RAP1GDS1: variants seen among roughly 807,000 people sequenced by gnomAD.
RAP1GDS1 encodes the protein Rap1 GTPase-GDP dissociation stimulator 1, also known as RAP1, GTP-GDP dissociation stimulator 1.
Under a neutral mutation model 71.1 loss-of-function variants are expected in RAP1GDS1, and 35 were observed. The ratio of observed to expected loss-of-function variants is 0.49; its 90% confidence interval spans 0.38 to 0.65. RAP1GDS1 has a LOEUF of 0.65. RAP1GDS1 is among the 30% of genes least tolerant of loss of function. The pLI, the probability that RAP1GDS1 is intolerant of heterozygous loss-of-function variation, is 0.00. For missense variants in RAP1GDS1, 663 were observed against 706.1 expected, an observed-to-expected ratio of 0.94 and a Z score of 0.69; for synonymous variants, 229 against 243.1, an observed-to-expected ratio of 0.94 and a Z score of 0.54.
intron 2 of RAP1GDS1, among the ~76,000 whole-genome samples, chr4:98,309,707 TAC>T: frequency 6.6e-6 from 1 of 151,942 alleles, no homozygotes; most frequent in Non-Finnish European, 1.5e-5. Flanking sequence ...GAATATAAAA[TAC>T]TACGTTGTTT....
intron 4 of RAP1GDS1, among the ~76,000 whole-genome samples, chr4:98,365,334 G>A (rs1739319017): frequency 6.6e-6 from 1 of 152,088 alleles, no homozygotes; most frequent in Admixed American, 6.5e-5. Context: ...TTAAAATTGA[G>A]CCAGGCATCA....
chr4:98,437,590 C>T (rs970566019), intron 14 of RAP1GDS1, among the ~76,000 whole-genome samples: 1 of 151,860 alleles, frequency 6.6e-6, no homozygotes, highest in African/African-American at 2.4e-5. Context: ...GCCAGGAGTT[C>T]GAGACCAGCC....
intron 5 of RAP1GDS1, among the ~76,000 whole-genome samples, chr4:98,390,826 T>C (rs1743509671): frequency 6.6e-6 from 1 of 152,184 alleles, no homozygotes; most frequent in African/African-American, 2.4e-5. Context: ...GTTTTGTCTT[T>C]AGATTGCAAA....
chr4:98,336,380 A>G (rs961502317), intron 2 of RAP1GDS1, among the ~76,000 whole-genome samples: 2 of 152,262 alleles, frequency 1.3e-5, no homozygotes, highest in Non-Finnish European at 2.9e-5. Context: ...TAGTCAAACT[A>G]GCAGATCTCC....
intron 1 of RAP1GDS1, among the ~76,000 whole-genome samples, chr4:98,269,436 C>T (rs1375767021): frequency 6.6e-6 from 1 of 151,934 alleles, no homozygotes; most frequent in Non-Finnish European, 1.5e-5. Flanking sequence ...GTTTATGGCA[C>T]CAAAAGCACA....
chr4:98,331,671 T>A (rs905024415), intron 2 of RAP1GDS1, among the ~76,000 whole-genome samples: 5 of 152,172 alleles, frequency 3.3e-5, no homozygotes, highest in Non-Finnish European at 7.4e-5. Flanking sequence ...TCTTATTCAA[T>A]TTATCCAATA....
At chr4:98,327,873 G>A (rs998391697) in intron 2 of RAP1GDS1, among the ~76,000 whole-genome samples, 13 of 152,164 alleles carry the variant, frequency 8.5e-5, no homozygotes, top group African/African-American at 3.1e-4. Flanking sequence ...TTTTGTAGGT[G>A]CTTGCTGTCA....
intron 7 of RAP1GDS1, among the ~76,000 whole-genome samples, chr4:98,412,145 A>G (rs553654874): frequency 3.9e-5 from 6 of 152,324 alleles, no homozygotes; most frequent in Non-Finnish European, 8.8e-5. Context: ...TGCCATTGCC[A>G]TATATGGATG....
chr4:98,438,653 C>T (rs1414172003), intron 14 of RAP1GDS1, among the ~76,000 whole-genome samples: 3 of 130,976 alleles, frequency 2.3e-5, no homozygotes, highest in Non-Finnish European at 3.1e-5. Flanking sequence ...AGTGCAGTGG[C>T]GTGATTTTGG....
At chr4:98,280,347 C>T (rs797003308) in intron 1 of RAP1GDS1, among the ~76,000 whole-genome samples, 2 of 152,204 alleles carry the variant, frequency 1.3e-5, no homozygotes, top group Non-Finnish European at 2.9e-5. Flanking sequence ...ATTTGCGTTT[C>T]TCTGATGACT....
At chr4:98,297,593 T>C (rs952665359) in intron 2 of RAP1GDS1, among the ~76,000 whole-genome samples, 1 of 152,190 alleles carries the variant, frequency 6.6e-6, no homozygotes, top group Admixed American at 6.5e-5. Flanking sequence ...CCGTGAACCA[T>C]GCCCATGTAT....
intron 2 of RAP1GDS1, among the ~76,000 whole-genome samples, chr4:98,337,407 A>G (rs575754500): frequency 6.6e-6 from 1 of 152,354 alleles, no homozygotes; most frequent in South Asian, 2.1e-4. Flanking sequence ...ATCAACATAT[A>G]ACTTCTAAAT....
rs1467745960 is a variant in RAP1GDS1, at chr4:98,382,962, C to A, written c.508+3799C>A. Among the ~76,000 whole-genome samples the A allele has an allele frequency of 2.0e-5, 3 of 151,518 alleles. No individual in the cohort carries two copies. In the East Asian group the frequency reaches 5.8e-4, roughly 29 times the overall value. On this transcript the variant is annotated intron_variant, in intron 5 of 14. Coordinates refer to ENST00000408927, the MANE Select transcript of RAP1GDS1 (RefSeq NM_001100427.2). ...TACCAGATCTGTAATTAAAAATTTCCCATAGGTGATCCACAAGCGTGTTGA... is the reference window on the plus strand; with the variant it reads ...TACCAGATCTGTAATTAAAAATTTCACATAGGTGATCCACAAGCGTGTTGA...
intron 4 of RAP1GDS1, among the ~76,000 whole-genome samples, chr4:98,378,082 T>TA (rs1454669986): frequency 6.6e-6 from 1 of 151,948 alleles, no homozygotes; most frequent in Non-Finnish European, 1.5e-5. Context: ...TGTCTATTAG[T>TA]AAATTTAAAT....
At chr4:98,269,679 C>CA (rs1343554105) in intron 1 of RAP1GDS1, among the ~76,000 whole-genome samples, 1 of 152,100 alleles carries the variant, frequency 6.6e-6, no homozygotes, top group African/African-American at 2.4e-5. Context: ...TGAAATGCTT[C>CA]AAAATCTGAA....
intron 3 of RAP1GDS1, among the ~76,000 whole-genome samples, chr4:98,350,950 A>G (rs1737094246): frequency 6.6e-6 from 1 of 152,218 alleles, no homozygotes; most frequent in African/African-American, 2.4e-5. Context: ...GTTCGAGGCT[A>G]CAGTGAGCCA....
intron 2 of RAP1GDS1, among the ~76,000 whole-genome samples, chr4:98,328,498 C>T (rs1272429926): frequency 1.3e-5 from 2 of 152,190 alleles, no homozygotes; most frequent in Middle Eastern, 3.4e-3. Context: ...TACATCAGGC[C>T]CAGGACTTGT....
Position 98,414,698 on chromosome 4 carries a change from G to A in RAP1GDS1, c.764-2047G>A, listed in dbSNP as rs542864183. ...GGCTTAGGATTGACTTGGCGATGCG[G>A]GCTCTTTCTTGGTTCCATATGAACT... On this transcript the variant is annotated intron_variant, in intron 7 of 14. Transcript: ENST00000408927. Among the ~76,000 whole-genome samples, 1,283 of 151,474 alleles carry A rather than the reference G, an allele frequency of 8.5e-3. 30 individuals are homozygous for A. Among genetic ancestry groups the A allele is most frequent in the African/African-American group, 0.029 (1,200 of 41,102 alleles).
Position 98,421,402 on chromosome 4 carries a change from C to A in RAP1GDS1, c.1440+8C>A. 1 of 1,582,638 alleles carries A rather than the reference C, an allele frequency of 6.3e-7. No individual in the cohort carries two copies. Among genetic ancestry groups the A allele is most frequent in the East Asian group, 2.3e-5 (1 of 44,318 alleles). ...CGACACAGTAAATCAAAAGTAAGTT[C>A]CAGAGGAAACTGTTCACTAGAAAAC... On this transcript the variant is annotated splice_region_variant and intron_variant, in intron 12 of 14. Transcript: ENST00000408927.
Sources: gnomAD v4.1 joint callset for allele counts (sites outside exome capture counted in the v4.1 genomes callset) on GRCh38, gnomAD v4.1.1 for gene constraint, MANE v1.5 for transcripts, NCBI Gene and HGNC (gene_info 2026-07-23, HGNC 2026-07-21) for gene names.